Variants in RAB27B observed in about 807,000 individuals in gnomAD.
RAB27B encodes ras-related protein Rab-27B.
Under a neutral mutation model 24.6 loss-of-function variants are expected in RAB27B, and 15 were observed. That is an observed-to-expected ratio of 0.61 (90% CI 0.41 to 0.94). RAB27B has a LOEUF of 0.94. Among genes scored for constraint, RAB27B ranks in the 40% least tolerant of loss-of-function variants. The probability of loss-of-function intolerance (pLI) is 0.00; values close to 1 mark genes in which losing one functional copy is unlikely to be tolerated. For synonymous variants in RAB27B, 105 were observed against 92.5 expected (o/e 1.14, Z -0.78); for missense variants, 261 against 266.8 (o/e 0.98, Z 0.15).
At chr18:54,815,991 A>G (rs1011995383) in intron 2 of RAB27B, among the ~76,000 whole-genome samples, 2 of 152,206 alleles carry the variant, frequency 1.3e-5, no homozygotes, top group East Asian at 1.9e-4. Flanking sequence ...TTTTGTTTCA[A>G]TGTGAACATT....
chr18:54,819,863 A>T (rs1340944253), intron 2 of RAB27B, among the ~76,000 whole-genome samples: 2 of 149,460 alleles, frequency 1.3e-5, no homozygotes, highest in African/African-American at 4.9e-5. Context: ...GAGTGAGAAC[A>T]TGCAGTGTTT....
At chr18:54,761,944 T>G (rs957811248) in intron 2 of RAB27B, among the ~76,000 whole-genome samples, 5 of 152,094 alleles carry the variant, frequency 3.3e-5, no homozygotes, top group Non-Finnish European at 5.9e-5. Context: ...AGAATTGAGA[T>G]GAGATCCTAA....
intron 2 of RAB27B, among the ~76,000 whole-genome samples, chr18:54,762,577 C>T (rs936325667): frequency 1.5e-4 from 23 of 152,168 alleles, no homozygotes; most frequent in Non-Finnish European, 2.2e-4. Context: ...CTGACTTGAG[C>T]CTTGACACTT....
chr18:54,727,975 C>T (rs1335034192), intron 2 of RAB27B, among the ~76,000 whole-genome samples: 2 of 152,134 alleles, frequency 1.3e-5, no homozygotes, highest in Admixed American at 1.3e-4. Flanking sequence ...AAAAACTCTG[C>T]ATAAAATACG....
chr18:54,883,381 G>T (rs1913005467), intron 3 of RAB27B, among the ~76,000 whole-genome samples: 1 of 152,122 alleles, frequency 6.6e-6, no homozygotes, highest in Non-Finnish European at 1.5e-5. Flanking sequence ...CTATAAAAAG[G>T]CTAAAATAGG....
chr18:54,843,361 T>C (rs1598951397), intron 1 of RAB27B, among the ~76,000 whole-genome samples: 2 of 3,388 alleles, frequency 5.9e-4, no homozygotes, highest in Non-Finnish European at 0.5. Context: ...AATAAAACTC[T>C]TTTTTTTTTT....
At chr18:54,779,567 A>G (rs1392239171) in intron 2 of RAB27B, among the ~76,000 whole-genome samples, 1 of 152,042 alleles carries the variant, frequency 6.6e-6, no homozygotes, top group Non-Finnish European at 1.5e-5. Flanking sequence ...CCAGGGAGGA[A>G]TCTACACAGC....
Position 54,888,665 on chromosome 18 carries a change from G to A in RAB27B, c.467+547G>A, listed in dbSNP as rs199854407. 8.1e-4 allele frequency among the ~76,000 whole-genome samples: 123 copies of A among 151,168 alleles called. 1 individual carries two copies. The highest frequency in any genetic ancestry group is 6.8e-3 in the East Asian group (35 of 5,160). ...CCCATGTAATTGTAAATTGACTTCC[G>A]TGGCAGAATCTGTCATTATTCTTTA... On this transcript the variant is annotated intron_variant, in intron 5 of 5. Coordinates refer to ENST00000262094, the MANE Select transcript of RAB27B (RefSeq NM_004163.4).
chr18:54,796,959 C>T (rs1909441511), intron 2 of RAB27B, among the ~76,000 whole-genome samples: 1 of 152,204 alleles, frequency 6.6e-6, no homozygotes, highest in Admixed American at 6.5e-5. Flanking sequence ...TTTTCTGCAA[C>T]ATCTGAGTTT....
At chr18:54,862,633 G>T (rs1277062174) in intron 1 of RAB27B, among the ~76,000 whole-genome samples, 1 of 152,166 alleles carries the variant, frequency 6.6e-6, no homozygotes, top group Non-Finnish European at 1.5e-5. Context: ...CCTGCCTGAA[G>T]ACACTCTGTT....
At chr18:54,851,552 T>G (rs542212523) in intron 1 of RAB27B, among the ~76,000 whole-genome samples, 1 of 152,314 alleles carries the variant, frequency 6.6e-6, no homozygotes, top group African/African-American at 2.4e-5. Context: ...TTGGGACATA[T>G]TTACACTAAA....
At chr18:54,836,258 T>C (rs937592515) in intron 1 of RAB27B, among the ~76,000 whole-genome samples, 3 of 151,964 alleles carry the variant, frequency 2.0e-5, no homozygotes. Flanking sequence ...TCAAATTATA[T>C]TGTTATTCTG....
intron 2 of RAB27B, among the ~76,000 whole-genome samples, chr18:54,790,915 G>T (rs986302456): frequency 6.6e-5 from 10 of 152,050 alleles, no homozygotes; most frequent in African/African-American, 2.4e-4. Flanking sequence ...TATTTATCAC[G>T]CTAGATTCAG....
At chr18:54,758,850 A>G (rs1289199534) in intron 2 of RAB27B, among the ~76,000 whole-genome samples, 2 of 152,122 alleles carry the variant, frequency 1.3e-5, no homozygotes, top group African/African-American at 4.8e-5. Flanking sequence ...TCCCTGAGCA[A>G]TCACTAATTA....
intron 1 of RAB27B, among the ~76,000 whole-genome samples, chr18:54,845,860 A>C (rs1434904516): frequency 6.6e-6 from 1 of 152,182 alleles, no homozygotes; most frequent in Admixed American, 6.5e-5. Context: ...CTGCTTAATA[A>C]CATTTATTTG....
At chr18:54,771,747 G>T (rs1908558930) in intron 2 of RAB27B, among the ~76,000 whole-genome samples, 1 of 151,960 alleles carries the variant, frequency 6.6e-6, no homozygotes, top group Non-Finnish European at 1.5e-5. Context: ...GGTAGTAGGG[G>T]ATATTTCTAC....
chr18:54,850,354 A>ATATATATATATATATATATT (rs1911522120), intron 1 of RAB27B, among the ~76,000 whole-genome samples: 1 of 139,380 alleles, frequency 7.2e-6, no homozygotes, highest in South Asian at 2.3e-4. Context: ...ATATATATAT[A>ATATATATATATATATATATT]TATATACATA....
chr18:54,826,135 A>G (rs1288837474), upstream of RAB27B, among the ~76,000 whole-genome samples: 1 of 152,242 alleles, frequency 6.6e-6, no homozygotes, highest in African/African-American at 2.4e-5. Context: ...TTGAGGAGAG[A>G]TGAAATACAT....
At chr18:54,836,350 A>G (rs761080027) in intron 1 of RAB27B, among the ~76,000 whole-genome samples, 4 of 151,816 alleles carry the variant, frequency 2.6e-5, no homozygotes, top group African/African-American at 4.9e-5. Flanking sequence ...GTTCACTTTG[A>G]CTTTTAAGGT....
Sources: allele counts gnomAD v4.1 joint callset (sites outside exome capture counted in the v4.1 genomes callset), GRCh38; gene constraint gnomAD v4.1.1; transcripts MANE v1.5; gene names NCBI Gene and HGNC (gene_info 2026-07-23, HGNC 2026-07-21).